Variants in MYO1B observed in about 807,000 individuals in gnomAD.
The protein encoded by MYO1B is unconventional myosin-Ib.
In MYO1B, 72 loss-of-function variants were observed where a neutral mutation model predicts 159.7. The ratio of observed to expected loss-of-function variants is 0.45; its 90% CI spans 0.37 to 0.55. The LOEUF (loss-of-function observed/expected upper bound fraction) is 0.55, where lower values mean the gene tolerates loss of function less well. MYO1B is among the 20% of genes least tolerant of loss of function. The pLI, the probability that MYO1B is intolerant of heterozygous loss-of-function variation, is 0.00. For missense variants in MYO1B, 1,062 were observed against 1,364.8 expected, an observed-to-expected ratio of 0.78 and a Z score of 3.50; for synonymous variants, 468 against 473.8, an observed-to-expected ratio of 0.99 and a Z score of 0.16.
chr2:191,347,208 C>T (rs1435314660), intron 6 of MYO1B, among the ~76,000 whole-genome samples: 6 of 152,114 alleles, frequency 3.9e-5, no homozygotes, highest in Non-Finnish European at 8.8e-5. Context: ...TTATTTTGTG[C>T]TTAAGGCAGG....
At chr2:191,400,230 T>G in intron 21 of MYO1B, 152 bp from the exon 22 acceptor site, 1 of 781,378 alleles carries the variant, frequency 1.3e-6, no homozygotes, top group Non-Finnish European at 2.2e-6. Flanking sequence ...TCATAGTCAG[T>G]TTGGGGCTAG....
chr2:191,321,389 A>G (rs1469399257), intron 3 of MYO1B, among the ~76,000 whole-genome samples: 1 of 152,148 alleles, frequency 6.6e-6, no homozygotes, highest in Non-Finnish European at 1.5e-5. Flanking sequence ...TTTGCCAAAA[A>G]GTTTGGAAAC....
In MYO1B at chr2:191,400,367, G is replaced by T; in HGVS notation, c.2296-15G>T. 6.2e-7 allele frequency: 1 copy of T among 1,613,546 alleles called. No individual in the cohort carries two copies. The highest frequency in any genetic ancestry group is 8.5e-7 in the Non-Finnish European group (1 of 1,179,610). ...TTTTTAAACATTCTCTCTTTTGGGTGATTCTGCCCTTTAGGCTCGAAAAAT... is the reference window on the plus strand; with the variant it reads ...TTTTTAAACATTCTCTCTTTTGGGTTATTCTGCCCTTTAGGCTCGAAAAAT... On this transcript the variant is annotated splice_polypyrimidine_tract_variant and intron_variant, in intron 21 of 30. Transcript: ENST00000392318.
chr2:191,278,186 A>C (rs1266657752), intron 2 of MYO1B, among the ~76,000 whole-genome samples: 1 of 152,204 alleles, frequency 6.6e-6, no homozygotes, highest in Non-Finnish European at 1.5e-5. Context: ...TGGGAAGTCC[A>C]CGGTGAAGGG....
intron 7 of MYO1B, among the ~76,000 whole-genome samples, chr2:191,358,375 T>A (rs140116584): frequency 1.5e-3 from 221 of 152,358 alleles, no homozygotes; most frequent in South Asian, 2.5e-3. Context: ...TAGTATCATG[T>A]TTCACATTGG....
intron 3 of MYO1B, among the ~76,000 whole-genome samples, chr2:191,306,582 G>T (rs1415017634): frequency 1.3e-5 from 2 of 152,134 alleles, no homozygotes; most frequent in African/African-American, 4.8e-5. Context: ...GTAGGCTTTT[G>T]CAGTAAGGGA....
At chr2:191,252,565 A>T (rs1489685453) in intron 1 of MYO1B, among the ~76,000 whole-genome samples, 1 of 152,112 alleles carries the variant, frequency 6.6e-6, no homozygotes, top group Non-Finnish European at 1.5e-5. Flanking sequence ...TTTATTTCAA[A>T]TTTTCAATTT....
chr2:191,346,460 T>A (rs1344160023), intron 6 of MYO1B, among the ~76,000 whole-genome samples, 178 bp downstream of exon 6: 2 of 152,218 alleles, frequency 1.3e-5, no homozygotes, highest in Non-Finnish European at 2.9e-5. Flanking sequence ...CCTTTTGAAT[T>A]CTTTTTGGAG....
intron 24 of MYO1B, among the ~76,000 whole-genome samples, chr2:191,404,324 C>T (rs773279339): frequency 1.3e-5 from 2 of 151,918 alleles, no homozygotes; most frequent in Non-Finnish European, 2.9e-5. Context: ...CCTGCCCTGT[C>T]GAATATCAAA....
Position 191,379,947 on chromosome 2 carries a change from G to A in MYO1B, c.1186-1515G>A, listed in dbSNP as rs531603192. Among the ~76,000 whole-genome samples, 6 of 152,274 alleles carry A rather than the reference G, an allele frequency of 3.9e-5. No homozygotes were observed. In the South Asian group the frequency reaches 1.2e-3, roughly 32 times the overall value. ...AAATTTGTGTGAAAATGAGGACTGA[G>A]GAGTGCCCTTTGTATCTGACTATAT... On this transcript the variant is annotated intron_variant, in intron 13 of 30. Coordinates refer to ENST00000392318, the MANE Select transcript of MYO1B (RefSeq NM_001130158.3).
intron 2 of MYO1B, among the ~76,000 whole-genome samples, chr2:191,277,960 A>T (rs1172849094): frequency 6.6e-6 from 1 of 152,224 alleles, no homozygotes; most frequent in Admixed American, 6.5e-5. Context: ...TAAAAGAGAT[A>T]ATACAGTGAT....
At chr2:191,381,165 C>A in intron 13 of MYO1B, 1 of 398,098 alleles carries the variant, frequency 2.5e-6, no homozygotes, top group Admixed American at 3.7e-5. Flanking sequence ...GATCCTTCAG[C>A]AAAGGAAGTG....
chr2:191,336,059 G>A (rs1691810785), intron 4 of MYO1B, among the ~76,000 whole-genome samples: 1 of 152,114 alleles, frequency 6.6e-6, no homozygotes. Context: ...GCACTGATGG[G>A]GGCAGGGGGG....
intron 3 of MYO1B, among the ~76,000 whole-genome samples, chr2:191,322,121 C>G (rs1318615673): frequency 6.6e-6 from 1 of 152,172 alleles, no homozygotes; most frequent in African/African-American, 2.4e-5. Flanking sequence ...TGACCTCTTG[C>G]CAAACCCCAA....
chr2:191,408,428 C>T (rs183727941), intron 25 of MYO1B, among the ~76,000 whole-genome samples: 1 of 152,172 alleles, frequency 6.6e-6, no homozygotes, highest in Admixed American at 6.5e-5. Flanking sequence ...CAGTGTTTGC[C>T]TTATTTGACA....
chr2:191,403,093 AG>A (rs1158280851), intron 24 of MYO1B, among the ~76,000 whole-genome samples: 3 of 152,302 alleles, frequency 2.0e-5, no homozygotes, highest in Admixed American at 6.5e-5. Context: ...TAGGGATGCC[AG>A]GCTTTTGTTT....
chr2:191,322,587 T>C (rs1236273756), intron 3 of MYO1B, among the ~76,000 whole-genome samples: 6 of 152,264 alleles, frequency 3.9e-5, no homozygotes, highest in Non-Finnish European at 7.4e-5. Context: ...AGAAAAAATT[T>C]TGGGGTGTCC....
intron 29 of MYO1B, 32 bp downstream of exon 29, chr2:191,414,701 AT>A: frequency 1.3e-6 from 2 of 1,581,176 alleles, no homozygotes; most frequent in Admixed American, 3.8e-5. Context: ...TCTGTGCTTA[AT>A]CTCTCAGCCA....
chr2:191,315,057 A>G (rs1690256051), intron 3 of MYO1B, among the ~76,000 whole-genome samples: 1 of 152,132 alleles, frequency 6.6e-6, no homozygotes, highest in Admixed American at 6.5e-5. Flanking sequence ...ATGAACAAAA[A>G]TTATCTGGGC....
Sources: gnomAD v4.1 joint callset for allele counts (sites outside exome capture counted in the v4.1 genomes callset) on GRCh38, gnomAD v4.1.1 for gene constraint, MANE v1.5 for transcripts, NCBI Gene and HGNC (gene_info 2026-07-23, HGNC 2026-07-21) for gene names.